Variants in PTPDC1 observed in about 807,000 individuals in gnomAD.
PTPDC1 encodes protein tyrosine phosphatase domain containing 1, also known as protein tyrosine phosphatase domain-containing protein 1.
A neutral mutation model predicts 75.3 loss-of-function variants in PTPDC1; 53 were observed. The observed-to-expected ratio is 0.70, with a 90% CI of 0.56 to 0.88. PTPDC1 has a LOEUF of 0.88. PTPDC1 is among the 40% of genes least tolerant of loss of function. PTPDC1 has a pLI of 0.00. For missense variants in PTPDC1, 925 were observed against 998.6 expected (o/e 0.93, Z 0.99); for synonymous variants, 349 against 366.2 (o/e 0.95, Z 0.54).
intron 2 of PTPDC1, among the ~76,000 whole-genome samples, chr9:94,077,394 T>A (rs1826730867): frequency 6.6e-6 from 1 of 152,162 alleles, no homozygotes; most frequent in Non-Finnish European, 1.5e-5. Flanking sequence ...GCCTCCTACT[T>A]CTGATGCCAG....
At chr9:94,067,130 C>T (rs1826334905) in intron 2 of PTPDC1, among the ~76,000 whole-genome samples, 1 of 152,124 alleles carries the variant, frequency 6.6e-6, no homozygotes, top group Non-Finnish European at 1.5e-5. Flanking sequence ...TAGCTCACGC[C>T]TGTAATCTCA....
At chr9:94,086,347 T>C (rs889695978) in intron 2 of PTPDC1, among the ~76,000 whole-genome samples, 1 of 152,226 alleles carries the variant, frequency 6.6e-6, no homozygotes, top group African/African-American at 2.4e-5. Flanking sequence ...CATTTGCATA[T>C]TTTTGCTTTA....
upstream of PTPDC1, chr9:94,084,331 CT>C (rs988149181): frequency 2.4e-4 from 132 of 545,394 alleles, 1 homozygote; most frequent in African/African-American, 2.4e-3. Flanking sequence ...AAAATGCAAT[CT>C]GTTCATATTG....
At chr9:94,056,834 TAGTG>T (rs1340729580) in intron 1 of PTPDC1, among the ~76,000 whole-genome samples, 10 of 152,202 alleles carry the variant, frequency 6.6e-5, no homozygotes, top group Admixed American at 3.3e-4. Context: ...CAGTACTAAT[TAGTG>T]AGTGTGTGGC....
intron 1 of PTPDC1, among the ~76,000 whole-genome samples, chr9:94,058,666 A>G (rs940632304): frequency 1.3e-5 from 2 of 152,030 alleles, no homozygotes; most frequent in Non-Finnish European, 2.9e-5. Flanking sequence ...AGATTGTGCC[A>G]CTGTACTCCT....
At chr9:94,063,161 A>AG (rs1312048809) in intron 1 of PTPDC1, among the ~76,000 whole-genome samples, 1 of 152,252 alleles carries the variant, frequency 6.6e-6, no homozygotes, top group Non-Finnish European at 1.5e-5. Context: ...ATGTGGGACA[A>AG]GGCAGGACCT....
intron 4 of PTPDC1, among the ~76,000 whole-genome samples, chr9:94,094,161 T>A: frequency 6.6e-6 from 1 of 152,134 alleles, no homozygotes. Context: ...GGTGCTCTAC[T>A]TTTTAGAGTT....
chr9:94,036,903 T>C (rs1187645191), intron 1 of PTPDC1, among the ~76,000 whole-genome samples: 1 of 152,252 alleles, frequency 6.6e-6, no homozygotes, highest in African/African-American at 2.4e-5. Context: ...CGGTAATTTG[T>C]AGCAATCTAC....
chr9:94,100,857 C>A (rs569327205), intron 6 of PTPDC1: 2 of 152,236 alleles, frequency 1.3e-5, no homozygotes, highest in South Asian at 4.2e-4. Flanking sequence ...CTCACTTTTC[C>A]CTTGCTCTCT....
intron 2 of PTPDC1, among the ~76,000 whole-genome samples, chr9:94,071,880 CT>C (rs548286061): frequency 3.7e-4 from 56 of 152,266 alleles, no homozygotes; most frequent in Middle Eastern, 3.4e-3. Context: ...TCACGTTTCT[CT>C]TTTTTTATAT....
chr9:94,046,019 G>A (rs1315219169), intron 1 of PTPDC1, among the ~76,000 whole-genome samples: 2 of 152,116 alleles, frequency 1.3e-5, no homozygotes, highest in African/African-American at 4.8e-5. Flanking sequence ...ATTAATTTTT[G>A]TATAAGTTGT....
intron 4 of PTPDC1, among the ~76,000 whole-genome samples, chr9:94,088,987 T>G (rs2117994520): frequency 6.6e-6 from 1 of 152,308 alleles, no homozygotes. Flanking sequence ...CTTTATTAAT[T>G]TGTAATTATA....
intron 1 of PTPDC1, among the ~76,000 whole-genome samples, chr9:94,031,918 G>A (rs983292661): frequency 6.6e-6 from 1 of 152,142 alleles, no homozygotes; most frequent in African/African-American, 2.4e-5. Flanking sequence ...GGAAAACTCC[G>A]AGAGGTCATC....
chr9:94,101,970 G>A (rs1043213214), intron 7 of PTPDC1, among the ~76,000 whole-genome samples: 40 of 152,092 alleles, frequency 2.6e-4, no homozygotes, highest in African/African-American at 9.2e-4. Context: ...CCTGGGAGAG[G>A]CACTGCAAAC....
At chr9:94,043,040 T>C (rs903847758) in intron 1 of PTPDC1, among the ~76,000 whole-genome samples, 2 of 152,206 alleles carry the variant, frequency 1.3e-5, no homozygotes, top group African/African-American at 4.8e-5. Flanking sequence ...CTACTTCTCT[T>C]GCTGTTTACA....
intron 1 of PTPDC1, among the ~76,000 whole-genome samples, chr9:94,047,132 T>C (rs1825626321): frequency 6.6e-6 from 1 of 152,232 alleles, no homozygotes; most frequent in South Asian, 2.1e-4. Context: ...GTTCTGTTTA[T>C]ATGCTGGATT....
chr9:94,058,711 A>G (rs978387528), intron 1 of PTPDC1, among the ~76,000 whole-genome samples: 2 of 149,242 alleles, frequency 1.3e-5, no homozygotes, highest in Admixed American at 6.6e-5. Context: ...GTCTCAAAAA[A>G]CAAACAAAAA....
At chr9:94,054,511 C>T (rs1199820931) in intron 1 of PTPDC1, among the ~76,000 whole-genome samples, 2 of 152,150 alleles carry the variant, frequency 1.3e-5, no homozygotes, top group African/African-American at 4.8e-5. Context: ...TTTAGACTAG[C>T]ATTCCTGTTT....
intron 4 of PTPDC1, among the ~76,000 whole-genome samples, chr9:94,089,419 T>TA (rs1827209542): frequency 1.4e-5 from 2 of 139,406 alleles, no homozygotes; most frequent in Non-Finnish European, 3.1e-5. Context: ...CATCATTTTT[T>TA]ATGGCTGCAT....
Sources: gnomAD v4.1 joint callset for allele counts (sites outside exome capture counted in the v4.1 genomes callset) on GRCh38, gnomAD v4.1.1 for gene constraint, MANE v1.5 for transcripts, NCBI Gene and HGNC (gene_info 2026-07-23, HGNC 2026-07-21) for gene names.